Variants in BBS4 observed in about 807,000 individuals in gnomAD.
BBS4 encodes BBSome complex member BBS4.
In BBS4, 58 loss-of-function variants were observed where a neutral mutation model predicts 71.4. That is an observed-to-expected ratio of 0.81 (90% CI 0.66 to 1.01). The LOEUF (loss-of-function observed/expected upper bound fraction) is 1.01, where lower values mean the gene tolerates loss of function less well. Ranked by LOEUF, BBS4 falls within the 50% of genes least tolerant of loss-of-function variation. The pLI is 0.00. For synonymous variants in BBS4, 228 were observed against 216.8 expected (o/e 1.05, Z -0.46); for missense variants, 660 against 607.9 (o/e 1.09, Z -0.90).
Position 72,735,846 on chromosome 15 carries a change from G to GAA in BBS4, c.1129_1130dup (p.Asn377LysfsTer93). 1 of 1,614,096 alleles carries GAA rather than the reference G, an allele frequency of 6.2e-7. No homozygotes were observed. The highest frequency in any genetic ancestry group is 8.5e-7 in the Non-Finnish European group (1 of 1,180,016). Reference sequence around the variant, plus strand: ...ACAGGTGTAACCCTTTAGTAAACCTGAACTATGCTGTGCTGCTGTACAACC... The same window carrying GAA: ...ACAGGTGTAACCCTTTAGTAAACCTGAAAACTATGCTGTGCTGCTGTACAACC... On this transcript the variant is annotated frameshift_variant, in exon 14 of 16. Transcript: ENST00000268057. LOFTEE classifies it high-confidence loss of function.
At chr15:72,735,629 A>G in intron 13 of BBS4, 196 bp from the exon 14 acceptor site, 2 of 722,224 alleles carry the variant, frequency 2.8e-6, no homozygotes, top group Non-Finnish European at 4.8e-6. Context: ...TGGTCCCAAT[A>G]CCAGCTTTGC....
intron 2 of BBS4, among the ~76,000 whole-genome samples, chr15:72,697,114 G>C (rs1010064055): frequency 6.6e-6 from 1 of 151,858 alleles, no homozygotes. Flanking sequence ...TTTATTTTTA[G>C]TACAGATGGG....
intron 2 of BBS4, among the ~76,000 whole-genome samples, chr15:72,707,734 TACC>T (rs1455795744): frequency 1.3e-5 from 2 of 152,218 alleles, no homozygotes; most frequent in Non-Finnish European, 2.9e-5. Flanking sequence ...TACTCCTTGT[TACC>T]ACAGAAAAGT....
chr15:72,709,360 A>G (rs1008759268), intron 2 of BBS4, among the ~76,000 whole-genome samples: 5 of 152,228 alleles, frequency 3.3e-5, no homozygotes, highest in African/African-American at 1.2e-4. Flanking sequence ...AATCTCCTTT[A>G]GAAAGTCTTT....
intron 2 of BBS4, among the ~76,000 whole-genome samples, chr15:72,697,404 A>G (rs1004037085): frequency 6.6e-6 from 1 of 152,166 alleles, no homozygotes; most frequent in African/African-American, 2.4e-5. Flanking sequence ...GGCATGAATG[A>G]TATTTTGAGC....
intron 1 of BBS4, among the ~76,000 whole-genome samples, chr15:72,693,708 T>A (rs1398822071): frequency 6.6e-6 from 1 of 152,164 alleles, no homozygotes; most frequent in Non-Finnish European, 1.5e-5. Flanking sequence ...GTAGACCAAA[T>A]AAACAGGATG....
In BBS4 at chr15:72,737,737, C is replaced by CT; in HGVS notation, c.*152dup. The CT allele has an allele frequency of 1.4e-6, 1 of 696,088 alleles. No homozygotes were observed. The allele number at this position is 696,088 out of a possible 1,614,324, so 43.1% of individuals were successfully genotyped here. On this transcript the variant is annotated 3_prime_UTR_variant, in exon 16 of 16. Coordinates refer to ENST00000268057, the MANE Select transcript of BBS4 (RefSeq NM_033028.5). ...GGAGCCAGCAGTTGAGCCTAAGGTCCTTCTACCTACCTGGTATTGGCATTT... is the reference window on the plus strand; with the variant it reads ...GGAGCCAGCAGTTGAGCCTAAGGTCCTTTCTACCTACCTGGTATTGGCATTT...
chr15:72,716,581 T>C (rs2151024710), intron 5 of BBS4, among the ~76,000 whole-genome samples, 197 bp from the exon 6 acceptor site: 1 of 152,306 alleles, frequency 6.6e-6, no homozygotes, highest in Middle Eastern at 3.4e-3. Context: ...TTGGAACAGC[T>C]GCCAGTGCAA....
At chr15:72,688,409 A>ATTTT (rs1188469848) in intron 1 of BBS4, among the ~76,000 whole-genome samples, 1 of 24,132 alleles carries the variant, frequency 4.1e-5, no homozygotes, top group Non-Finnish European at 9.8e-5. Context: ...GTGGTATTTT[A>ATTTT]TCTTTTTTTT....
At position 72,712,245 on chromosome 15, in the gene BBS4, CTGT is replaced by C; in HGVS notation, c.160_162del (p.Val54del). ...GAAGCATTTTTCTCCCTCTTTCAGG[CTGT>C]TATCAAAGAACAGCTTCAAGAGACT... On this transcript the variant is annotated inframe_deletion and splice_region_variant, in exon 4 of 16. Coordinates refer to ENST00000268057, the MANE Select transcript of BBS4 (RefSeq NM_033028.5). 1.9e-6 allele frequency: 3 copies of C among 1,613,756 alleles called. No individual in the cohort carries two copies. In the South Asian group the frequency reaches 3.3e-5, roughly 18 times the overall value.
At chr15:72,736,628 G>C (rs1314356525) in intron 14 of BBS4, 134 bp from the exon 15 acceptor site, 1 of 816,868 alleles carries the variant, frequency 1.2e-6, no homozygotes, top group African/African-American at 1.7e-5. Context: ...TGTTTGATAA[G>C]TACTTCCTGC....
Position 72,737,608 on chromosome 15 carries a change from A to AAAT in BBS4, c.*23_*25dup. ...AATAAGAATAGAATGAATGACCCCAAAATAGGGTTTTCTTGGGCGAGGATG... is the reference window on the plus strand; with the variant it reads ...AATAAGAATAGAATGAATGACCCCAAAATAATAGGGTTTTCTTGGGCGAGGATG... On this transcript the variant is annotated 3_prime_UTR_variant, in exon 16 of 16. Coordinates refer to ENST00000268057, the MANE Select transcript of BBS4 (RefSeq NM_033028.5). The AAAT allele has an allele frequency of 2.6e-6, 4 of 1,566,246 alleles. No homozygotes were observed. Among genetic ancestry groups the AAAT allele is most frequent in the Non-Finnish European group, 3.5e-6 (4 of 1,147,458 alleles).
At chr15:72,711,441 G>T (rs530525897) in intron 3 of BBS4, among the ~76,000 whole-genome samples, 1 of 152,098 alleles carries the variant, frequency 6.6e-6, no homozygotes, top group Admixed American at 6.5e-5. Flanking sequence ...GAGCCACCGC[G>T]CCTGGCCACC....
chr15:72,698,117 G>C (rs556745619), intron 2 of BBS4: 1 of 447,536 alleles, frequency 2.2e-6, no homozygotes, highest in African/African-American at 2.0e-5. Context: ...ATTTTGGGGT[G>C]GCCATAGCTG....
At chr15:72,686,311 C>T (rs777516804) in intron 1 of BBS4, 60 bp downstream of exon 1, 6 of 1,550,234 alleles carry the variant, frequency 3.9e-6, no homozygotes, top group African/African-American at 1.4e-5. Context: ...TGGCGGGTGG[C>T]TTTTGTCCCA....
In BBS4 at chr15:72,731,591, C is replaced by T. The variant is rs1368815137; in HGVS notation, c.901C>T (p.Pro301Ser). Residue 301 changes from proline (P) to serine (S), a missense_variant, in exon 12 of 16, where the codon CCC becomes TCC. Pro to Ser is a moderately conservative substitution (Grantham distance 74, BLOSUM62 -1). Transcript: ENST00000268057. ...CCTGAAACGAGCCAACTACTTGGCA[C>T]CCTTTGATTGGAAGATTCTGTATAA... is the stretch of plus-strand genomic sequence containing the variant. ...SCLKRANYLAPFDWKILYNLG... is the reference protein window; with the variant it reads ...SCLKRANYLASFDWKILYNLG... The T allele has an allele frequency of 6.2e-7, 1 of 1,614,044 alleles. No individual in the cohort carries two copies. The highest frequency in any genetic ancestry group is 1.3e-5 in the African/African-American group (1 of 74,914).
At chr15:72,707,030 A>T (rs1381401513) in intron 2 of BBS4, among the ~76,000 whole-genome samples, 10 of 151,612 alleles carry the variant, frequency 6.6e-5, no homozygotes, top group Non-Finnish European at 1.5e-4. Context: ...AGTCACAGTA[A>T]GCTTTTTTTT....
At chr15:72,687,607 A>C (rs1238428424) in intron 1 of BBS4, among the ~76,000 whole-genome samples, 1 of 150,056 alleles carries the variant, frequency 6.7e-6, no homozygotes, top group East Asian at 2.0e-4. Flanking sequence ...CCTTCTCAAA[A>C]AAAAAGAAAG....
chr15:72,738,392 A>G lies in BBS4; in HGVS notation c.*805A>G, dbSNP rs1485239155. 7.1e-6 allele frequency: 3 copies of G among 420,260 alleles called. No individual in the cohort carries two copies. Among genetic ancestry groups the G allele is most frequent in the African/African-American group, 4.1e-5 (2 of 48,538 alleles). The allele number at this position is 420,260 out of a possible 1,614,324, so 26.0% of individuals were successfully genotyped here. A position where few individuals can be genotyped will look rare whatever the true frequency, so the allele number is the denominator to read the frequency against. ...ACTATGTGTCCTTTTTAGAATAAAGATTACATATCATCATTCCTTTGGGGA... is the reference window on the plus strand; with the variant it reads ...ACTATGTGTCCTTTTTAGAATAAAGGTTACATATCATCATTCCTTTGGGGA... On this transcript the variant is annotated 3_prime_UTR_variant, in exon 16 of 16. Coordinates refer to ENST00000268057, the MANE Select transcript of BBS4 (RefSeq NM_033028.5).
Sources: allele counts gnomAD v4.1 joint callset (sites outside exome capture counted in the v4.1 genomes callset), GRCh38; gene constraint gnomAD v4.1.1; transcripts MANE v1.5; gene names NCBI Gene and HGNC (gene_info 2026-07-23, HGNC 2026-07-21).